MID1: variants seen among roughly 807,000 people sequenced by gnomAD.
MID1 encodes E3 ubiquitin-protein ligase Midline-1.
MID1 carries 7 observed loss-of-function variants against 40.4 expected under a neutral mutation model. The ratio of observed to expected loss-of-function variants is 0.17; its 90% CI spans 0.10 to 0.33. MID1 has a LOEUF of 0.33. Among genes scored for constraint, MID1 ranks in the 10% least tolerant of loss-of-function variants. MID1 has a pLI of 1.00. For missense variants in MID1, 367 were observed against 558.5 expected, an observed-to-expected ratio of 0.66 and a Z score of 3.46; for synonymous variants, 229 against 221.2, an observed-to-expected ratio of 1.04 and a Z score of -0.31.
rs112732360 is a variant in MID1 at position 10,636,787 on chromosome X, T to G, written c.-186-16368A>C. Among the ~76,000 whole-genome samples the G allele has an allele frequency of 1.4e-3, 47 of 34,263 alleles. 1 individual carries two copies. The highest frequency in any genetic ancestry group is 2.5e-3 in the Non-Finnish European group (39 of 15,864). The allele number at this position is 34,263 out of a possible 115,157, so 29.8% of individuals were successfully genotyped here. Reference sequence around the variant, plus strand: ...AACTGGGCCATTCCAACAATGGGGATATATATATATATATATATATATATA... The same window carrying G: ...AACTGGGCCATTCCAACAATGGGGAGATATATATATATATATATATATATA... On this transcript the variant is annotated intron_variant, in intron 1 of 10. Transcript: ENST00000380785.
At chrX:10,511,511 G>A (rs985379561) in intron 3 of MID1, among the ~76,000 whole-genome samples, 2 of 111,236 alleles carry the variant, frequency 1.8e-5, no homozygotes, top group Non-Finnish European at 3.8e-5. Context: ...AGACTCCTGA[G>A]TAGCTAGGAC....
At chrX:10,770,187 C>T (rs184248944) in intron 1 of MID1, among the ~76,000 whole-genome samples, 1 of 112,016 alleles carries the variant, frequency 8.9e-6, no homozygotes, top group Non-Finnish European at 1.9e-5. Flanking sequence ...GCCACTGCTA[C>T]ATGAATTAAT....
Position 10,662,235 on chromosome X carries a change from C to T in MID1, c.-186-41816G>A, listed in dbSNP as rs1001832397. Among the ~76,000 whole-genome samples, 10 of 109,366 alleles carry T rather than the reference C, an allele frequency of 9.1e-5. 1 individual carries two copies. Among genetic ancestry groups the T allele is most frequent in the African/African-American group, 1.7e-4 (5 of 29,888 alleles). The allele number at this position is 109,366 out of a possible 115,157, so 95.0% of individuals were successfully genotyped here. ...AGGAGAATCTCTTGAACCGGGGAGG[C>T]GGAGGTTGTGGTGAGCCGAGATCAC... On this transcript the variant is annotated intron_variant, in intron 1 of 10. Coordinates refer to the MID1 transcript ENST00000380785.
intron 9 of MID1, among the ~76,000 whole-genome samples, chrX:10,453,796 CCTTGACTGCAGACTTACTGACT>C (rs1928490671): frequency 8.9e-6 from 1 of 111,831 alleles, no homozygotes; most frequent in African/African-American, 3.3e-5. Flanking sequence ...AGAGCCTGAC[CCTTGACTGCAGACTTACTGACT>C]CTGCCACCTG....
chrX:10,755,606 G>A (rs1312047508), intron 1 of MID1, among the ~76,000 whole-genome samples: 12 of 112,175 alleles, frequency 1.1e-4, no homozygotes, highest in Admixed American at 1.0e-3. Flanking sequence ...GGTCGTTATC[G>A]ACAGCATAAA....
At position 10,495,710 on chromosome X, in the gene MID1, GGTAA is replaced by G; in HGVS notation, c.757-23_757-20del. On this transcript the variant is annotated intron_variant, in intron 3 of 9. Coordinates refer to ENST00000317552, the MANE Select transcript of MID1 (RefSeq NM_000381.4). The stretch of plus-strand genomic sequence containing the variant: ...CATTGACCTACAGGATAAGTACAAT[GGTAA>G]GTGTTAATTTGGCCTTTGTTTTTCA... 9.1e-7 allele frequency: 1 copy of G among 1,104,207 alleles called. No individual in the cohort carries two copies. The highest frequency in any genetic ancestry group is 1.3e-6 in the Non-Finnish European group (1 of 798,070). 91.0% of individuals were successfully genotyped at this position (1,104,207 alleles called of 1,213,427 possible).
At chrX:10,470,454 A>G (rs1294299557) in intron 6 of MID1, among the ~76,000 whole-genome samples, 1 of 112,325 alleles carries the variant, frequency 8.9e-6, no homozygotes, top group Non-Finnish European at 1.9e-5. Context: ...AATTGAAAAA[A>G]TACTTATGTT....
chrX:10,703,374 T>G (rs939144024), intron 1 of MID1, among the ~76,000 whole-genome samples: 37 of 112,488 alleles, frequency 3.3e-4, no homozygotes, highest in African/African-American at 1.1e-3. Context: ...TTGTTAAGTT[T>G]ATTATATCAG....
chrX:10,812,311 T>G (rs2044107650), intron 1 of MID1, among the ~76,000 whole-genome samples: 1 of 111,493 alleles, frequency 9.0e-6, no homozygotes, highest in South Asian at 3.8e-4. Context: ...ATTACATGTA[T>G]GTGCTTATGT....
At chrX:10,676,435 A>G (rs1022089596) in intron 1 of MID1, among the ~76,000 whole-genome samples, 2 of 111,669 alleles carry the variant, frequency 1.8e-5, no homozygotes, top group African/African-American at 6.5e-5. Flanking sequence ...GCTTCAGTAA[A>G]GCAATTACAG....
At chrX:10,590,471 C>T (rs938523285) in intron 1 of MID1, among the ~76,000 whole-genome samples, 3 of 110,891 alleles carry the variant, frequency 2.7e-5, no homozygotes, top group Admixed American at 9.5e-5. Flanking sequence ...AAGACAGGGT[C>T]GCAGCATTCC....
intron 9 of MID1, among the ~76,000 whole-genome samples, chrX:10,449,937 T>C (rs1209453879): frequency 8.9e-6 from 1 of 111,962 alleles, no homozygotes; most frequent in Admixed American, 9.4e-5. Context: ...GAAAGAAGCG[T>C]CGTATTTACC....
intron 1 of MID1, among the ~76,000 whole-genome samples, chrX:10,671,344 C>A (rs772841466): frequency 6.2e-5 from 7 of 112,288 alleles, no homozygotes; most frequent in Non-Finnish European, 5.6e-5. Context: ...TTGGGCAAAT[C>A]ACGTAAGGTC....
At chrX:10,809,542 C>T (rs1178190380) in intron 1 of MID1, among the ~76,000 whole-genome samples, 1 of 111,286 alleles carries the variant, frequency 9.0e-6, no homozygotes. Context: ...TGTCCATCAA[C>T]GATAGACTGG....
intron 2 of MID1, among the ~76,000 whole-genome samples, chrX:10,532,334 C>T (rs1833084): frequency 0.31 from 34,458 of 110,706 alleles, 4,241 homozygotes; most frequent in Non-Finnish European, 0.38. Context: ...TCTACAAAAA[C>T]TTTTTTAAAA....
At chrX:10,575,987 G>A (rs1423140033) in intron 1 of MID1, among the ~76,000 whole-genome samples, 5 of 108,592 alleles carry the variant, frequency 4.6e-5, no homozygotes, top group Non-Finnish European at 5.7e-5. Flanking sequence ...AAATTGTAGG[G>A]GACCAGAGGG....
intron 1 of MID1, among the ~76,000 whole-genome samples, chrX:10,667,184 C>T (rs1351228379): frequency 9.0e-6 from 1 of 111,529 alleles, no homozygotes; most frequent in Non-Finnish European, 1.9e-5. Context: ...AAATGTCCTC[C>T]CTGGCACACC....
intron 6 of MID1, 96 bp from the exon 7 acceptor site, chrX:10,469,936 T>C: frequency 1.2e-6 from 1 of 822,783 alleles, no homozygotes; most frequent in Non-Finnish European, 1.8e-6. Flanking sequence ...TCCTTCTCAA[T>C]AGGTCCATCA....
At chrX:10,650,498 T>C (rs982499914) in intron 1 of MID1, among the ~76,000 whole-genome samples, 5 of 111,798 alleles carry the variant, frequency 4.5e-5, no homozygotes, top group Non-Finnish European at 7.5e-5. Context: ...TTTTCATTAT[T>C]GCAGGAAGGA....
Sources: allele counts gnomAD v4.1 joint callset (sites outside exome capture counted in the v4.1 genomes callset), GRCh38; gene constraint gnomAD v4.1.1; transcripts MANE v1.5; gene names NCBI Gene and HGNC (gene_info 2026-07-23, HGNC 2026-07-21).